Variants in ZC3H4 observed in about 807,000 individuals in gnomAD.
ZC3H4 encodes zinc finger CCCH-type containing 4.
In ZC3H4, 13 loss-of-function variants were observed where a neutral mutation model predicts 108.3. The ratio of observed to expected loss-of-function variants is 0.12; its 90% confidence interval spans 0.08 to 0.19. The LOEUF (loss-of-function observed/expected upper bound fraction) is 0.19. Among genes scored for constraint, ZC3H4 ranks in the 10% least tolerant of loss-of-function variants. The pLI, the probability that ZC3H4 is intolerant of heterozygous loss-of-function variation, is 1.00. For synonymous variants in ZC3H4, 917 were observed against 749.6 expected, an observed-to-expected ratio of 1.22 and a Z score of -3.65; for missense variants, 1,734 against 1,838.8, an observed-to-expected ratio of 0.94 and a Z score of 1.04.
intron 1 of ZC3H4, chr19:47,113,189 G>C (rs926593019): frequency 6.5e-6 from 1 of 152,948 alleles, no homozygotes; most frequent in Admixed American, 6.5e-5. Context: ...ACTGAGAGGC[G>C]GAGGCGGAGG....
rs754882184 is a variant in ZC3H4, at chr19:47,085,430, GA to G, written c.871-17del. ...TCTCTCCATACTGGAATGCGCAGAG[GA>G]GAGGGCAGGAGAGCGTCAGGTAGGG... On this transcript the variant is annotated splice_polypyrimidine_tract_variant and intron_variant, in intron 6 of 14. Coordinates refer to ENST00000253048, the MANE Select transcript of ZC3H4 (RefSeq NM_015168.2). The G allele has an allele frequency of 1.3e-6, 2 of 1,545,942 alleles. No homozygotes were observed. The highest frequency in any genetic ancestry group is 1.7e-6 in the Non-Finnish European group (2 of 1,147,810).
At position 47,066,981 on chromosome 19, in the gene ZC3H4, T is replaced by C. The variant is rs1223360324; in HGVS notation, c.3287A>G (p.Lys1096Arg). 3.1e-6 allele frequency: 5 copies of C among 1,589,720 alleles called. No individual in the cohort carries two copies. The highest frequency in any genetic ancestry group is 4.3e-6 in the Non-Finnish European group (5 of 1,168,216). ...AGAGGGCGCCTCAGCAGGGCCGGGC[T>C]TGGCAGCCCGGGAGGAGGCCGTAGA... is the stretch of plus-strand genomic sequence containing the variant. ...TDSTASSRAA[K>R]PGPAEAPSPT... is the part of the protein sequence containing the mutation. Residue 1096 changes from lysine (K) to arginine (R), a missense_variant, in exon 15 of 15, where the codon AAG becomes AGG. Transcript: ENST00000253048.
intron 2 of ZC3H4, among the ~76,000 whole-genome samples, chr19:47,103,308 A>T (rs977473809): frequency 3.9e-5 from 6 of 152,098 alleles, no homozygotes; most frequent in Non-Finnish European, 8.8e-5. Flanking sequence ...ATAATTATTT[A>T]TTTATTTATT....
At chr19:47,098,330 T>C (rs546310434) in intron 2 of ZC3H4, among the ~76,000 whole-genome samples, 35 of 150,808 alleles carry the variant, frequency 2.3e-4, no homozygotes, top group African/African-American at 8.5e-4. Context: ...TCTCTACCAG[T>C]AATACAAAAA....
chr19:47,098,309 G>A (rs181322998), intron 2 of ZC3H4, among the ~76,000 whole-genome samples: 7 of 152,164 alleles, frequency 4.6e-5, no homozygotes, highest in Admixed American at 2.6e-4. Context: ...GGCCAACACG[G>A]CAAAACCTTG....
At chr19:47,073,425 A>T (rs941975134) in intron 11 of ZC3H4, among the ~76,000 whole-genome samples, 1 of 152,126 alleles carries the variant, frequency 6.6e-6, no homozygotes, top group East Asian at 1.9e-4. Flanking sequence ...CAAAAAAAAT[A>T]GCCGGGCATG....
intron 5 of ZC3H4, among the ~76,000 whole-genome samples, chr19:47,089,188 G>A (rs1308713623): frequency 1.7e-5 from 2 of 119,948 alleles, no homozygotes; most frequent in South Asian, 2.9e-4. Flanking sequence ...CCTGGCGACA[G>A]AGCAAGACTC....
Position 47,072,131 on chromosome 19 carries a change from G to A in ZC3H4, c.1803-10C>T. 1.3e-6 allele frequency: 2 copies of A among 1,516,010 alleles called. No homozygotes were observed. The highest frequency in any genetic ancestry group is 8.8e-7 in the Non-Finnish European group (1 of 1,135,172). 93.9% of individuals were successfully genotyped at this position (1,516,010 alleles called of 1,614,324 possible). A position where few individuals can be genotyped will look rare whatever the true frequency, so the allele number is the denominator to read the frequency against. Reference sequence around the variant, plus strand: ...ACCGGGTCCAGGGAACCTAGAAGAGGGAAAAGGTGCCTGTGACGGAAGCTG... The same window carrying A: ...ACCGGGTCCAGGGAACCTAGAAGAGAGAAAAGGTGCCTGTGACGGAAGCTG... On this transcript the variant is annotated splice_polypyrimidine_tract_variant and intron_variant, in intron 12 of 14. Coordinates refer to ENST00000253048, the MANE Select transcript of ZC3H4 (RefSeq NM_015168.2). This position sits in a 1 kb window ranked among gnomAD's most constrained non-coding sequence, Gnocchi z 5.6.
At chr19:47,077,514 G>A (rs1265183056) in intron 11 of ZC3H4, among the ~76,000 whole-genome samples, 1 of 150,608 alleles carries the variant, frequency 6.6e-6, no homozygotes, top group African/African-American at 2.4e-5. Context: ...CAAAAACATA[G>A]ATAAAATGCT....
At position 47,067,580 on chromosome 19, in the gene ZC3H4, C is replaced by A; in HGVS notation, c.2688G>T (p.Leu896=). The change falls in exon 15 of 15, where the codon CTG becomes CTT. Residue 896 remains leucine (L), a synonymous_variant. Coordinates refer to ENST00000253048, the MANE Select transcript of ZC3H4 (RefSeq NM_015168.2). This position sits in a 1 kb window ranked among gnomAD's most constrained non-coding sequence, Gnocchi z 6.4. ...GGCTGCCTTCGGGCTTGGAGGTGGG[C>A]AGGGCGCGAGCCAGCCGAGGATCGG... ...GPSDPRLARA[L]PTSKPEGSLH... 1 of 1,602,952 alleles carries A rather than the reference C, an allele frequency of 6.2e-7. No individual in the cohort carries two copies. The highest frequency in any genetic ancestry group is 8.5e-7 in the Non-Finnish European group (1 of 1,175,522).
At chr19:47,085,469 T>C in intron 6 of ZC3H4, 55 bp from the exon 7 acceptor site, 1 of 1,427,786 alleles carries the variant, frequency 7.0e-7, no homozygotes, top group Non-Finnish European at 9.5e-7. Flanking sequence ...CAATGAACAC[T>C]GTCCCCACCT....
chr19:47,066,520 G>A lies in ZC3H4; in HGVS notation c.3748C>T (p.Leu1250=), dbSNP rs1172824512. The A allele has an allele frequency of 1.3e-6, 2 of 1,572,878 alleles. No individual in the cohort carries two copies. ...GAPPQPGVHN[L]PVPTLFGTVK... ...GTCCCGAAGAGGGTGGGCACGGGCA[G>A]GTTGTGCACCCCGGGCTGGGGTGGG... is the stretch of plus-strand genomic sequence containing the variant. Residue 1250 remains leucine (L), a synonymous_variant, in exon 15 of 15, where the codon CTG becomes TTG. Transcript: ENST00000253048.
chr19:47,112,134 G>A lies in ZC3H4; in HGVS notation c.161+290C>T, dbSNP rs1225862545. ...GGCGGACGGGCGCGGGGGGTCCGAG[G>A]GGCGCCTCCTCACCTTCCCCTCAGC... On this transcript the variant is annotated intron_variant, in intron 2 of 14. Coordinates refer to ENST00000253048, the MANE Select transcript of ZC3H4 (RefSeq NM_015168.2). 6 of 1,099,504 alleles carry A rather than the reference G, an allele frequency of 5.5e-6. No individual in the cohort carries two copies. The African/African-American group carries it at 9.8e-5, about 18-fold the overall frequency. 68.1% of individuals were successfully genotyped at this position (1,099,504 alleles called of 1,614,324 possible).
intron 2 of ZC3H4, among the ~76,000 whole-genome samples, chr19:47,109,957 ACTGGGGG>A (rs1453515554): frequency 6.6e-6 from 1 of 151,560 alleles, no homozygotes; most frequent in Non-Finnish European, 1.5e-5. Flanking sequence ...GGCCGGGGGG[ACTGGGGG>A]CTGGAGGAGG....
Position 47,084,327 on chromosome 19 carries a change from G to C in ZC3H4, c.1218+18C>G, listed in dbSNP as rs894133015. 6.2e-7 allele frequency: 1 copy of C among 1,613,334 alleles called. No homozygotes were observed. Among genetic ancestry groups the C allele is most frequent in the Non-Finnish European group, 8.5e-7 (1 of 1,179,312 alleles). On this transcript the variant is annotated intron_variant, in intron 9 of 14. Transcript: ENST00000253048. ...GGCTATGGCCTCCTAGAGGTGCCCAGCTTTCAGCGCTCCTTACCCAGGTGC... is the reference window on the plus strand; with the variant it reads ...GGCTATGGCCTCCTAGAGGTGCCCACCTTTCAGCGCTCCTTACCCAGGTGC...
chr19:47,088,838 C>T (rs989302055), intron 5 of ZC3H4, among the ~76,000 whole-genome samples: 1 of 152,174 alleles, frequency 6.6e-6, no homozygotes, highest in Non-Finnish European at 1.5e-5. Context: ...CAATCTATTT[C>T]TACTTGACAG....
rs374087513 is a variant in ZC3H4 at position 47,072,819 on chromosome 19, G to A, written c.1441-106C>T. On this transcript the variant is annotated intron_variant, in intron 11 of 14. Transcript: ENST00000253048. The surrounding 1 kb of genome is among the most constrained non-coding windows in gnomAD (Gnocchi z 5.6). The stretch of plus-strand genomic sequence containing the variant: ...TATGAGGAAAAGTCCATAATACAAG[G>A]ACCTTGAGATCTAAAGGCATAAAGA... 1.5e-6 allele frequency: 2 copies of A among 1,339,700 alleles called. No individual in the cohort carries two copies. Among genetic ancestry groups the A allele is most frequent in the South Asian group, 1.4e-5 (1 of 73,366 alleles). The allele number at this position is 1,339,700 out of a possible 1,614,324, so 83.0% of individuals were successfully genotyped here.
rs774275330 is a variant in ZC3H4 at position 47,066,707 on chromosome 19, C to A, written c.3561G>T (p.Glu1187Asp). ...NGKSSASKAK[E>D]PPFVRKSALE... ...GGGCAGACTTGCGGACGAACGGGGGCTCCTTAGCCTTGGAGGCCGAGCTCT... is the reference window on the plus strand; with the variant it reads ...GGGCAGACTTGCGGACGAACGGGGGATCCTTAGCCTTGGAGGCCGAGCTCT... Residue 1187 changes from glutamate to aspartate, a missense_variant, in exon 15 of 15, where the codon GAG (glutamate) becomes GAT (aspartate). Transcript: ENST00000253048. 9 of 1,608,992 alleles carry A rather than the reference C, an allele frequency of 5.6e-6. No individual in the cohort carries two copies. Among genetic ancestry groups the A allele is most frequent in the Non-Finnish European group, 7.6e-6 (9 of 1,178,754 alleles).
rs753009395 is a variant in ZC3H4, at chr19:47,071,913, T to C, written c.2011A>G (p.Met671Val). Residue 671 changes from methionine (M) to valine (V), a missense_variant, in exon 13 of 15, where the codon ATG (methionine) becomes GTG (valine). Around this residue, in one of 9 missense-constraint regions of ZC3H4, gnomAD observed 540 missense variants for 484.1 expected, o/e 1.12. Coordinates refer to ENST00000253048, the MANE Select transcript of ZC3H4 (RefSeq NM_015168.2). ...GPPMGPGGPPMMPYGPGDSPH... is the reference protein window; with the variant it reads ...GPPMGPGGPPVMPYGPGDSPH... ...GAGTCTCCAGGGCCGTAGGGCATCA[T>C]TGGAGGGCCGCCAGGGCCCATGGGT... is the stretch of plus-strand genomic sequence containing the variant. The C allele has an allele frequency of 2.3e-5, 37 of 1,612,318 alleles. No individual in the cohort carries two copies. In the African/African-American group the frequency reaches 3.9e-4, roughly 17 times the overall value.
Sources: allele counts gnomAD v4.1 joint callset (sites outside exome capture counted in the v4.1 genomes callset), GRCh38; gene constraint gnomAD v4.1.1; regional missense constraint gnomAD v4.1.1; non-coding constraint Gnocchi (gnomAD v3.1); transcripts MANE v1.5; gene names NCBI Gene and HGNC (gene_info 2026-07-23, HGNC 2026-07-21).